ZMYM4: variants seen among roughly 807,000 people sequenced by gnomAD.
The protein encoded by ZMYM4 is zinc finger MYM-type containing 4, also known as zinc finger MYM-type protein 4.
In ZMYM4, 31 loss-of-function variants were observed where a neutral mutation model predicts 183.2. That is an observed-to-expected ratio of 0.17 (90% CI 0.13 to 0.23). ZMYM4 has a LOEUF of 0.23. Among genes scored for constraint, ZMYM4 ranks in the 10% least tolerant of loss-of-function variants. The pLI, the probability that ZMYM4 is intolerant of heterozygous loss-of-function variation, is 1.00. For missense variants in ZMYM4, 1,273 were observed against 1,840.3 expected (o/e 0.69, Z 5.64); for synonymous variants, 592 against 631.2 (o/e 0.94, Z 0.93).
At chr1:35,379,067 C>T (rs1022416204) in intron 7 of ZMYM4, among the ~76,000 whole-genome samples, 4 of 152,132 alleles carry the variant, frequency 2.6e-5, no homozygotes, top group Non-Finnish European at 5.9e-5. Flanking sequence ...ACTATAACTT[C>T]TCTCCACATC....
intron 23 of ZMYM4, among the ~76,000 whole-genome samples, chr1:35,402,847 T>G (rs1282848366): frequency 6.8e-6 from 1 of 146,882 alleles, no homozygotes; most frequent in Non-Finnish European, 1.5e-5. Context: ...GTAATCTGAA[T>G]GCATTTTCTT....
At position 35,397,411 on chromosome 1, in the gene ZMYM4, A is replaced by T. The variant is rs1644828297; in HGVS notation, c.3065A>T (p.Asp1022Val). The T allele has an allele frequency of 1.2e-6, 2 of 1,611,770 alleles. No individual in the cohort carries two copies. The highest frequency in any genetic ancestry group is 1.7e-6 in the Non-Finnish European group (2 of 1,178,932). ...PVPMLIPSSMDSEDKVTESIE... is the reference protein window; with the variant it reads ...PVPMLIPSSMVSEDKVTESIE... ...CCTATGCTTATTCCATCTTCAATGGATAGTGAAGATAAAGTCACAGAGAGT... is the reference window on the plus strand; with the variant it reads ...CCTATGCTTATTCCATCTTCAATGGTTAGTGAAGATAAAGTCACAGAGAGT... The change falls in exon 20 of 30, where the codon GAT (aspartate) becomes GTT (valine). Residue 1022 changes from aspartate (D) to valine (V), a missense_variant. Physicochemically the swap from Asp to Val is radical, Grantham distance 152 (BLOSUM62 -3). Transcript: ENST00000314607.
chr1:35,338,612 C>T (rs1643072528), intron 2 of ZMYM4, among the ~76,000 whole-genome samples: 3 of 152,290 alleles, frequency 2.0e-5, no homozygotes, highest in African/African-American at 7.2e-5. Flanking sequence ...GTTGTGGTCA[C>T]CTCACATCTG....
At chr1:35,390,894 T>C (rs2148990418) in intron 15 of ZMYM4, among the ~76,000 whole-genome samples, 2 of 152,258 alleles carry the variant, frequency 1.3e-5, no homozygotes, top group East Asian at 3.9e-4. Context: ...AGGCCAGATG[T>C]GATGGTTCAT....
At chr1:35,352,629 C>T (rs1350478535) in intron 2 of ZMYM4, among the ~76,000 whole-genome samples, 2 of 152,204 alleles carry the variant, frequency 1.3e-5, no homozygotes, top group African/African-American at 4.8e-5. Flanking sequence ...TCTCAGTCTT[C>T]ATTTTATCAG....
At chr1:35,412,210 A>G (rs1639944055) in intron 26 of ZMYM4, among the ~76,000 whole-genome samples, 1 of 151,984 alleles carries the variant, frequency 6.6e-6, no homozygotes, top group Non-Finnish European at 1.5e-5. Flanking sequence ...TGGATTGTTC[A>G]TTGCTAGCTT....
intron 1 of ZMYM4, among the ~76,000 whole-genome samples, chr1:35,321,464 G>A (rs1406355364): frequency 3.9e-5 from 6 of 152,134 alleles, no homozygotes; most frequent in Non-Finnish European, 7.4e-5. Flanking sequence ...TTGCTTACAG[G>A]ATGGGGATGT....
At chr1:35,370,000 GTATT>G (rs971658396) in intron 5 of ZMYM4, 25 bp from the exon 6 acceptor site, 3 of 1,502,836 alleles carry the variant, frequency 2.0e-6, no homozygotes, top group South Asian at 1.2e-5. Context: ...TTTTCTCTAT[GTATT>G]TATTTATTTT....
chr1:35,311,834 A>G lies in ZMYM4; in HGVS notation c.40-13526A>G, dbSNP rs375640041. 9.5e-4 allele frequency among the ~76,000 whole-genome samples: 145 copies of G among 152,124 alleles called. 1 individual carries two copies. The highest frequency in any genetic ancestry group is 3.3e-3 in the African/African-American group (139 of 41,508). On this transcript the variant is annotated intron_variant, in intron 1 of 29. Coordinates refer to ENST00000314607, the MANE Select transcript of ZMYM4 (RefSeq NM_005095.3). ...TTATTTCTGTTGCTCTTCATTCTCAATTTTCTACATTTTCTTCTGATATTA... is the reference window on the plus strand; with the variant it reads ...TTATTTCTGTTGCTCTTCATTCTCAGTTTTCTACATTTTCTTCTGATATTA...
chr1:35,372,647 G>A (rs1480918981), intron 7 of ZMYM4, among the ~76,000 whole-genome samples: 1 of 152,146 alleles, frequency 6.6e-6, no homozygotes, highest in African/African-American at 2.4e-5. Context: ...TACCTTCAAT[G>A]CTTGGGACCA....
At chr1:35,269,108 C>T (rs765504598) in intron 1 of ZMYM4, 23 bp downstream of exon 1, 27 of 1,545,458 alleles carry the variant, frequency 1.7e-5, no homozygotes, top group Middle Eastern at 1.9e-4. Context: ...AGGCAGAACT[C>T]GGGCGGCGGG....
At position 35,268,838 on chromosome 1, in the gene ZMYM4, C is replaced by G; in HGVS notation, c.-209C>G. On this transcript the variant is annotated 5_prime_UTR_variant, in exon 1 of 30. Transcript: ENST00000314607. ...CCCCCACCCCGTCCCCGGGCAGGCC[C>G]TCCCGCCCACGCGCGGACCCGTGGG... The G allele has an allele frequency of 2.3e-6, 1 of 440,974 alleles. No homozygotes were observed. Among genetic ancestry groups the G allele is most frequent in the Non-Finnish European group, 3.7e-6 (1 of 271,500 alleles). 27.3% of individuals were successfully genotyped at this position (440,974 alleles called of 1,614,324 possible).
intron 1 of ZMYM4, among the ~76,000 whole-genome samples, chr1:35,316,215 CTTTG>C (rs1430089565): frequency 1.3e-5 from 2 of 152,086 alleles, no homozygotes; most frequent in Non-Finnish European, 2.9e-5. Flanking sequence ...CTCCCTTAAG[CTTTG>C]TTTGTTAGTA....
rs1159897746 is a variant in ZMYM4, at chr1:35,354,724, CT to C, written c.86-4198del. On this transcript the variant is annotated intron_variant, in intron 2 of 29. Transcript: ENST00000314607. ...CCTGGGCGACAGAGTGAAACTTTGT[CT>C]TTAAAAAAAAAAAAAAAAAAAAAAA... Among the ~76,000 whole-genome samples the C allele has an allele frequency of 2.0e-4, 8 of 40,048 alleles. No individual in the cohort carries two copies. In the East Asian group the frequency reaches 5.0e-3, roughly 25 times the overall value. The allele number at this position is 40,048 out of a possible 152,430, so 26.3% of individuals were successfully genotyped here. A position where few individuals can be genotyped will look rare whatever the true frequency, so the allele number is the denominator to read the frequency against.
intron 2 of ZMYM4, among the ~76,000 whole-genome samples, chr1:35,331,625 A>C (rs957949178): frequency 2.6e-5 from 4 of 151,848 alleles, no homozygotes; most frequent in African/African-American, 9.7e-5. Context: ...GTTGCTACTA[A>C]AAATACAAAA....
rs576672763 is a variant in ZMYM4, at chr1:35,303,387, C to G, written c.40-21973C>G. On this transcript the variant is annotated intron_variant, in intron 1 of 29. Coordinates refer to ENST00000314607, the MANE Select transcript of ZMYM4 (RefSeq NM_005095.3). Reference sequence around the variant, plus strand: ...TGTAGTGGTGATCTCTCTTTCATTCCTGATATTGGCAATTTGTGTTTTTTG... The same window carrying G: ...TGTAGTGGTGATCTCTCTTTCATTCGTGATATTGGCAATTTGTGTTTTTTG... Among the ~76,000 whole-genome samples, 13 of 151,492 alleles carry G rather than the reference C, an allele frequency of 8.6e-5. 2 individuals carry two copies. Among genetic ancestry groups the G allele is most frequent in the African/African-American group, 2.7e-4 (11 of 41,328 alleles).
intron 2 of ZMYM4, among the ~76,000 whole-genome samples, chr1:35,325,743 G>A (rs1272836803): frequency 2.0e-5 from 3 of 151,740 alleles, no homozygotes; most frequent in Middle Eastern, 3.4e-3. Flanking sequence ...TTGTGTTATC[G>A]TATTTTTAGA....
At chr1:35,371,208 CG>C (rs1644205884) in intron 7 of ZMYM4, among the ~76,000 whole-genome samples, 1 of 150,912 alleles carries the variant, frequency 6.6e-6, no homozygotes, top group Non-Finnish European at 1.5e-5. Flanking sequence ...CTCCGCCTCC[CG>C]GGTTCATGCC....
chr1:35,415,368 TTTTCTC>T lies in ZMYM4; in HGVS notation c.4061-94_4061-89del, dbSNP rs1457628191. On this transcript the variant is annotated intron_variant, in intron 27 of 29. Coordinates refer to ENST00000314607, the MANE Select transcript of ZMYM4 (RefSeq NM_005095.3). ...AAGAGGGGAAAGAGGAATAGTCAGT[TTTTCTC>T]TTTATATCTCCCTGTCTTAGAATTT... 14 of 1,489,906 alleles carry T rather than the reference TTTTCTC, an allele frequency of 9.4e-6. No individual in the cohort carries two copies. The Admixed American group carries it at 2.8e-4, about 30-fold the overall frequency. The allele number at this position is 1,489,906 out of a possible 1,614,324, so 92.3% of individuals were successfully genotyped here. A position where few individuals can be genotyped will look rare whatever the true frequency, so the allele number is the denominator to read the frequency against.
Sources: gnomAD v4.1 joint callset for allele counts (sites outside exome capture counted in the v4.1 genomes callset) on GRCh38, gnomAD v4.1.1 for gene constraint, MANE v1.5 for transcripts, NCBI Gene and HGNC (gene_info 2026-07-23, HGNC 2026-07-21) for gene names.